Variants in RARB observed in about 807,000 individuals in gnomAD.
RARB encodes HBV-activated protein.
RARB carries 17 observed loss-of-function variants against 51.9 expected under a neutral mutation model. The ratio of observed to expected loss-of-function variants is 0.33; its 90% CI spans 0.22 to 0.49. RARB has a LOEUF of 0.49. RARB is among the 20% of genes least tolerant of loss of function. The pLI is 0.99. For missense variants in RARB, 369 were observed against 550.8 expected (o/e 0.67, Z 3.30); for synonymous variants, 215 against 195.4 (o/e 1.10, Z -0.84).
Position 25,408,897 on chromosome 3 carries a change from G to C in RARB, c.179-52296G>C, listed in dbSNP as rs748313415. Among the ~76,000 whole-genome samples, 7 of 152,228 alleles carry C rather than the reference G, an allele frequency of 4.6e-5. No individual in the cohort carries two copies. The East Asian group carries it at 1.2e-3, about 25-fold the overall frequency. ...AAAAATACAAAAATTAGCTGGGCGTGGTGACAGGCATCTGTAGTCCCAGCT... is the reference window on the plus strand; with the variant it reads ...AAAAATACAAAAATTAGCTGGGCGTCGTGACAGGCATCTGTAGTCCCAGCT... On this transcript the variant is annotated intron_variant, in intron 5 of 11. Transcript: ENST00000383772.
intron 2 of RARB, among the ~76,000 whole-genome samples, chr3:24,979,200 A>G (rs532429072): frequency 6.6e-6 from 1 of 152,276 alleles, no homozygotes; most frequent in South Asian, 2.1e-4. Flanking sequence ...AATAAGTGCG[A>G]TGTGGTGCTG....
At chr3:24,845,341 G>T (rs975761800) in intron 1 of RARB, among the ~76,000 whole-genome samples, 1 of 152,148 alleles carries the variant, frequency 6.6e-6, no homozygotes, top group Non-Finnish European at 1.5e-5. Flanking sequence ...GGTATACCTC[G>T]ACTAGGAAGG....
At chr3:25,426,344 C>A (rs762649607), upstream of RARB, among the ~76,000 whole-genome samples, 2 of 152,238 alleles carry the variant, frequency 1.3e-5, no homozygotes, top group Admixed American at 1.3e-4. Context: ...AAAAATCTCA[C>A]CCCTTTATTG....
chr3:24,964,031 G>T (rs1275245467), intron 2 of RARB, among the ~76,000 whole-genome samples: 3 of 152,060 alleles, frequency 2.0e-5, no homozygotes, highest in African/African-American at 7.2e-5. Flanking sequence ...GAATTTCTCA[G>T]TATTTGATAT....
chr3:25,163,504 A>AAAAAAAAAAAAAAATATATATATAT (rs1303712411), intron 4 of RARB, among the ~76,000 whole-genome samples: 22 of 131,110 alleles, frequency 1.7e-4, no homozygotes, highest in African/African-American at 6.1e-4. Context: ...CCTATCTCAA[A>AAAAAAAAAAAAAAATATATATATAT]ATATATATAT....
intron 5 of RARB, among the ~76,000 whole-genome samples, chr3:25,200,480 C>T (rs566480607): frequency 1.3e-5 from 2 of 152,110 alleles, no homozygotes; most frequent in East Asian, 3.9e-4. Flanking sequence ...GCTTTTGTTG[C>T]CATTGCTTTT....
intron 2 of RARB, among the ~76,000 whole-genome samples, chr3:24,890,169 C>G (rs769672284): frequency 6.6e-6 from 1 of 152,152 alleles, no homozygotes; most frequent in South Asian, 2.1e-4. Flanking sequence ...TTCCTAGCCT[C>G]TAAAAGCACG....
At chr3:25,157,392 T>G (rs956658357) in intron 4 of RARB, among the ~76,000 whole-genome samples, 4 of 119,856 alleles carry the variant, frequency 3.3e-5, no homozygotes, top group South Asian at 3.3e-4. Context: ...ATATATATGG[T>G]TTTTTTTGTT....
intron 5 of RARB, among the ~76,000 whole-genome samples, chr3:25,583,115 C>CAA (rs1184489122): frequency 2.0e-5 from 3 of 152,222 alleles, no homozygotes; most frequent in Non-Finnish European, 2.9e-5. Flanking sequence ...AGTTAAAGGG[C>CAA]AAAGACCTCC....
intron 5 of RARB, among the ~76,000 whole-genome samples, chr3:25,260,632 T>C (rs969548790): frequency 3.3e-5 from 5 of 152,088 alleles, no homozygotes; most frequent in Non-Finnish European, 7.4e-5. Flanking sequence ...ACCTGCCCAC[T>C]AGAGGAAAAG....
At chr3:24,959,386 G>T (rs1696089654) in intron 2 of RARB, among the ~76,000 whole-genome samples, 1 of 152,208 alleles carries the variant, frequency 6.6e-6, no homozygotes, top group Admixed American at 6.5e-5. Context: ...TTCTTCTCCT[G>T]AAGTCCCACC....
At chr3:24,994,566 T>C (rs1161998825) in intron 2 of RARB, among the ~76,000 whole-genome samples, 1 of 152,122 alleles carries the variant, frequency 6.6e-6, no homozygotes, top group East Asian at 1.9e-4. Flanking sequence ...ATAAAATCAT[T>C]TCCCAGACTA....
chr3:25,063,170 C>G (rs1163518134), intron 3 of RARB, among the ~76,000 whole-genome samples: 2 of 151,842 alleles, frequency 1.3e-5, no homozygotes, highest in African/African-American at 4.8e-5. Flanking sequence ...AAGGTTTTCC[C>G]CAGCAAATAC....
At chr3:25,343,022 C>CTT (rs1273622608) in intron 5 of RARB, among the ~76,000 whole-genome samples, 1 of 89,390 alleles carries the variant, frequency 1.1e-5, no homozygotes, top group Non-Finnish European at 2.3e-5. Context: ...TTTGCAAGTA[C>CTT]TTTGTGTGTG....
chr3:25,596,719 G>C lies in RARB; in HGVS notation c.*103G>C. 1 of 1,086,756 alleles carries C rather than the reference G, an allele frequency of 9.2e-7. No homozygotes were observed. Among genetic ancestry groups the C allele is most frequent in the Non-Finnish European group, 1.3e-6 (1 of 773,086 alleles). 67.3% of individuals were successfully genotyped at this position (1,086,756 alleles called of 1,614,324 possible). ...TGCTGCTTAGTTTTTGGACTGAAAA[G>C]ATATTAAAACTCAAGAAGGACCAAG... On this transcript the variant is annotated 3_prime_UTR_variant, in exon 8 of 8. Coordinates refer to ENST00000330688, the MANE Select transcript of RARB (RefSeq NM_000965.5).
intron 5 of RARB, among the ~76,000 whole-genome samples, chr3:25,261,479 C>G (rs1349463017): frequency 6.6e-6 from 1 of 152,100 alleles, no homozygotes; most frequent in African/African-American, 2.4e-5. Context: ...TCTTCTCATT[C>G]TGGAGTGATA....
At chr3:25,372,901 A>T (rs1417137120) in intron 5 of RARB, among the ~76,000 whole-genome samples, 2 of 152,218 alleles carry the variant, frequency 1.3e-5, no homozygotes, top group Non-Finnish European at 2.9e-5. Context: ...TGCAATATGC[A>T]TTGTAGGTAA....
intron 2 of RARB, among the ~76,000 whole-genome samples, chr3:24,976,588 A>G (rs1696517977): frequency 6.6e-6 from 1 of 152,106 alleles, no homozygotes; most frequent in East Asian, 1.9e-4. Flanking sequence ...GTGTCTGTTC[A>G]TATCCTTTGT....
intron 2 of RARB, among the ~76,000 whole-genome samples, chr3:24,885,182 G>T (rs1373027892): frequency 6.6e-6 from 1 of 152,136 alleles, no homozygotes; most frequent in Non-Finnish European, 1.5e-5. Context: ...GCAAAGAGGA[G>T]TTCGACTCCT....
Sources: gnomAD v4.1 joint callset for allele counts (sites outside exome capture counted in the v4.1 genomes callset) on GRCh38, gnomAD v4.1.1 for gene constraint, MANE v1.5 for transcripts, NCBI Gene and HGNC (gene_info 2026-07-23, HGNC 2026-07-21) for gene names.